The following PDE4D variants were observed in gnomAD, a reference collection of about 807,000 sequenced individuals.
The protein encoded by PDE4D is phosphodiesterase 4D, also known as 3',5'-cyclic-AMP phosphodiesterase 4D.
PDE4D carries 24 observed loss-of-function variants against 87.4 expected under a neutral mutation model. The observed-to-expected ratio is 0.27, with a 90% CI of 0.20 to 0.39. The LOEUF (loss-of-function observed/expected upper bound fraction) is 0.39. Among genes scored for constraint, PDE4D ranks in the 10% least tolerant of loss-of-function variants. PDE4D has a pLI of 1.00. For missense variants in PDE4D, 714 were observed against 1,041.0 expected (o/e 0.69, Z 4.32); for synonymous variants, 384 against 383.2 (o/e 1.00, Z -0.02).
At chr5:60,481,747 G>T (rs932205760) in intron 1 of PDE4D, among the ~76,000 whole-genome samples, 4 of 151,924 alleles carry the variant, frequency 2.6e-5, no homozygotes, top group Non-Finnish European at 4.4e-5. Context: ...AAATATCCCA[G>T]GACTACTTTT....
chr5:59,139,017 A>T (rs1373284495), intron 5 of PDE4D, among the ~76,000 whole-genome samples: 2 of 152,176 alleles, frequency 1.3e-5, no homozygotes, highest in African/African-American at 4.8e-5. Context: ...GAAGGTAGGG[A>T]AGACTTACAG....
At chr5:60,278,807 T>C (rs560637439) in intron 1 of PDE4D, among the ~76,000 whole-genome samples, 3 of 152,158 alleles carry the variant, frequency 2.0e-5, no homozygotes, top group Non-Finnish European at 4.4e-5. Flanking sequence ...TCATTCATTC[T>C]AAAGGTGTTC....
At chr5:59,167,379 C>T (rs1189517378) in intron 5 of PDE4D, among the ~76,000 whole-genome samples, 4 of 152,134 alleles carry the variant, frequency 2.6e-5, no homozygotes, top group African/African-American at 9.7e-5. Context: ...AGTCAAATAA[C>T]AGTCAGTCCA....
chr5:60,408,424 A>G (rs1741758199), intron 1 of PDE4D, among the ~76,000 whole-genome samples: 1 of 152,182 alleles, frequency 6.6e-6, no homozygotes, highest in Admixed American at 6.5e-5. Flanking sequence ...ATTTCCACAT[A>G]AGCCATTGCC....
intron 1 of PDE4D, among the ~76,000 whole-genome samples, chr5:59,763,189 G>A (rs1038670470): frequency 5.3e-5 from 8 of 151,610 alleles, no homozygotes; most frequent in African/African-American, 1.5e-4. Context: ...TCAGGGGAGC[G>A]GGTAGGGATA....
intron 1 of PDE4D, among the ~76,000 whole-genome samples, chr5:59,400,727 G>C (rs984005577): frequency 7.9e-6 from 1 of 126,312 alleles, no homozygotes; most frequent in African/African-American, 3.1e-5. Flanking sequence ...AAAACTTAAA[G>C]TATAATAATA....
At chr5:59,082,216 A>G (rs1203600948) in intron 5 of PDE4D, among the ~76,000 whole-genome samples, 2 of 152,194 alleles carry the variant, frequency 1.3e-5, no homozygotes, top group African/African-American at 4.8e-5. Context: ...TCTCAGTACA[A>G]TAAGAATAGA....
intron 1 of PDE4D, among the ~76,000 whole-genome samples, chr5:59,779,820 TA>T (rs1484599359): frequency 6.6e-6 from 1 of 152,234 alleles, no homozygotes; most frequent in African/African-American, 2.4e-5. Flanking sequence ...ACATGCCAAG[TA>T]TTTTTTTTAA....
chr5:59,850,960 T>C (rs1744586889), intron 1 of PDE4D, among the ~76,000 whole-genome samples: 1 of 152,076 alleles, frequency 6.6e-6, no homozygotes, highest in Non-Finnish European at 1.5e-5. Flanking sequence ...CCTCCTGCTA[T>C]TCATGGTGCC....
intron 1 of PDE4D, among the ~76,000 whole-genome samples, chr5:59,336,264 T>C (rs1387097086): frequency 6.6e-6 from 1 of 152,140 alleles, no homozygotes; most frequent in Non-Finnish European, 1.5e-5. Flanking sequence ...AAGGTATAAT[T>C]TCACAAGGCA....
chr5:59,601,199 T>G (rs1306826599), intron 1 of PDE4D, among the ~76,000 whole-genome samples: 1 of 152,156 alleles, frequency 6.6e-6, no homozygotes, highest in Non-Finnish European at 1.5e-5. Flanking sequence ...TGAGCTAATT[T>G]GTAACGTACC....
chr5:59,315,013 G>T (rs916234804), intron 1 of PDE4D, among the ~76,000 whole-genome samples: 2 of 152,120 alleles, frequency 1.3e-5, no homozygotes, highest in African/African-American at 4.8e-5. Flanking sequence ...AAAGAGCCTG[G>T]GAACTTTAGC....
At chr5:60,003,725 A>AAAG (rs1311093591) in intron 2 of PDE4D, among the ~76,000 whole-genome samples, 20 of 150,538 alleles carry the variant, frequency 1.3e-4, no homozygotes, top group East Asian at 7.8e-4. Context: ...AAAAAAAAAA[A>AAAG]AAGAAGAAGA....
intron 5 of PDE4D, among the ~76,000 whole-genome samples, chr5:59,050,691 G>A (rs952612485): frequency 6.6e-6 from 1 of 152,218 alleles, no homozygotes; most frequent in African/African-American, 2.4e-5. Flanking sequence ...AGATCAGAAA[G>A]AGCATGGACT....
chr5:60,245,887 A>G (rs954734607), intron 1 of PDE4D, among the ~76,000 whole-genome samples: 1 of 151,948 alleles, frequency 6.6e-6, no homozygotes, highest in Non-Finnish European at 1.5e-5. Context: ...GACTATAGTC[A>G]AAAATAATTC....
At chr5:59,236,155 C>A (rs1756381496) in intron 1 of PDE4D, among the ~76,000 whole-genome samples, 1 of 152,032 alleles carries the variant, frequency 6.6e-6, no homozygotes, top group South Asian at 2.1e-4. Context: ...TTGACCCTTG[C>A]CACCCTCTCT....
intron 1 of PDE4D, among the ~76,000 whole-genome samples, chr5:59,645,707 G>C (rs992330945): frequency 8.5e-5 from 13 of 152,112 alleles, no homozygotes; most frequent in African/African-American, 3.1e-4. Flanking sequence ...TGGAGTGAAG[G>C]AGACACAATG....
chr5:59,683,408 A>G (rs1268021003), intron 1 of PDE4D, among the ~76,000 whole-genome samples: 1 of 152,210 alleles, frequency 6.6e-6, no homozygotes, highest in East Asian at 1.9e-4. Context: ...AATATAATAT[A>G]TTAACTTTAT....
chr5:60,311,269 G>A (rs1030330831), intron 1 of PDE4D, among the ~76,000 whole-genome samples: 10 of 152,220 alleles, frequency 6.6e-5, no homozygotes, highest in African/African-American at 1.7e-4. Flanking sequence ...TGATCCGCCC[G>A]CCTTGGCCTC....
Sources: allele counts gnomAD v4.1 joint callset (sites outside exome capture counted in the v4.1 genomes callset), GRCh38; gene constraint gnomAD v4.1.1; transcripts MANE v1.5; gene names NCBI Gene and HGNC (gene_info 2026-07-23, HGNC 2026-07-21).